The following SLC10A7 variants were observed in gnomAD, a reference collection of about 807,000 sequenced individuals.
SLC10A7 encodes sodium/bile acid cotransporter 7.
SLC10A7 carries 29 observed loss-of-function variants against 43.2 expected under a neutral mutation model. The ratio of observed to expected loss-of-function variants is 0.67; its 90% confidence interval spans 0.50 to 0.92. The LOEUF (loss-of-function observed/expected upper bound fraction) is 0.92, where lower values mean the gene tolerates loss of function less well. SLC10A7 is among the 40% of genes least tolerant of loss of function. The pLI, the probability that SLC10A7 is intolerant of heterozygous loss-of-function variation, is 0.00. For synonymous variants in SLC10A7, 152 were observed against 144.8 expected, an observed-to-expected ratio of 1.05 and a Z score of -0.35; for missense variants, 295 against 403.2, an observed-to-expected ratio of 0.73 and a Z score of 2.30.
intron 5 of SLC10A7, among the ~76,000 whole-genome samples, chr4:146,363,852 C>T (rs1362374376): frequency 6.6e-6 from 1 of 151,936 alleles, no homozygotes; most frequent in African/African-American, 2.4e-5. Context: ...ACAACAAAAG[C>T]ACCACTAAGA....
intron 8 of SLC10A7, 76 bp from the exon 9 acceptor site, chr4:146,293,056 T>G (rs976242172): frequency 1.1e-6 from 1 of 888,500 alleles, no homozygotes; most frequent in Non-Finnish European, 1.7e-6. Flanking sequence ...TATACTTGTT[T>G]TATCTAAAAT....
chr4:146,506,775 G>A (rs1020202643), intron 3 of SLC10A7, among the ~76,000 whole-genome samples: 3 of 151,056 alleles, frequency 2.0e-5, no homozygotes, highest in African/African-American at 4.9e-5. Flanking sequence ...TTTTGTTTTT[G>A]TTTTTGCTGG....
chr4:146,338,034 T>G (rs1439179812), intron 5 of SLC10A7, among the ~76,000 whole-genome samples: 1 of 151,980 alleles, frequency 6.6e-6, no homozygotes, highest in Non-Finnish European at 1.5e-5. Flanking sequence ...TTAAAAGATT[T>G]AATGTGTATC....
intron 11 of SLC10A7, among the ~76,000 whole-genome samples, chr4:146,258,208 T>G (rs894896858): frequency 6.6e-6 from 1 of 152,230 alleles, no homozygotes; most frequent in African/African-American, 2.4e-5. Context: ...AGTTTATTTT[T>G]TAATGCCCAA....
chr4:146,336,335 T>TGGC (rs1733893656), intron 5 of SLC10A7, among the ~76,000 whole-genome samples: 1 of 152,074 alleles, frequency 6.6e-6, no homozygotes, highest in Admixed American at 6.6e-5. Flanking sequence ...ATAACTTGGC[T>TGGC]TTGAGTGAAC....
At chr4:146,269,822 T>G (rs537010502) in intron 10 of SLC10A7, among the ~76,000 whole-genome samples, 11 of 152,364 alleles carry the variant, frequency 7.2e-5, no homozygotes, top group Admixed American at 6.5e-4. Context: ...GCTGCATTGA[T>G]AATTTCATCT....
At chr4:146,402,974 T>C (rs77746548) in intron 5 of SLC10A7, among the ~76,000 whole-genome samples, 3,274 of 152,238 alleles carry the variant, frequency 0.022, 104 homozygotes, top group African/African-American at 0.075. Flanking sequence ...TTGCAAAAAT[T>C]TTCTAACTTT....
intron 5 of SLC10A7, among the ~76,000 whole-genome samples, chr4:146,348,447 T>C (rs1182415926): frequency 6.6e-6 from 1 of 152,206 alleles, no homozygotes; most frequent in Non-Finnish European, 1.5e-5. Flanking sequence ...TAGCAGCTGG[T>C]GTGCTGTGTA....
At chr4:146,442,733 CA>C (rs1560911022) in intron 5 of SLC10A7, 49 bp downstream of exon 5, 4 of 1,591,216 alleles carry the variant, frequency 2.5e-6, no homozygotes, top group Non-Finnish European at 3.4e-6. Flanking sequence ...TTCATATACA[CA>C]ATATCACAGC....
intron 4 of SLC10A7, among the ~76,000 whole-genome samples, chr4:146,501,423 G>C (rs1469919190): frequency 6.6e-6 from 1 of 152,152 alleles, no homozygotes; most frequent in South Asian, 2.1e-4. Context: ...TACATGGTAA[G>C]GCCATATGAC....
intron 6 of SLC10A7, among the ~76,000 whole-genome samples, chr4:146,307,062 A>G (rs1731627576): frequency 6.6e-6 from 1 of 152,194 alleles, no homozygotes; most frequent in Admixed American, 6.5e-5. Context: ...AGCTACATGA[A>G]GTCAATAGCT....
At chr4:146,275,682 G>C (rs1729160582) in intron 10 of SLC10A7, among the ~76,000 whole-genome samples, 1 of 152,078 alleles carries the variant, frequency 6.6e-6, no homozygotes, top group Non-Finnish European at 1.5e-5. Flanking sequence ...TATTCCAGCA[G>C]ACAAGGCCAA....
At chr4:146,373,953 T>C (rs142084729) in intron 5 of SLC10A7, among the ~76,000 whole-genome samples, 1 of 152,242 alleles carries the variant, frequency 6.6e-6, no homozygotes, top group African/African-American at 2.4e-5. Context: ...TCAAGTGGTT[T>C]TAATAAAATA....
At chr4:146,404,476 ATGTGTGTGTGTGTG>A (rs34519773) in intron 5 of SLC10A7, among the ~76,000 whole-genome samples, 21 of 141,466 alleles carry the variant, frequency 1.5e-4, no homozygotes, top group African/African-American at 2.1e-4. Flanking sequence ...CTGCTCATTT[ATGTGTGTGTGTGTG>A]TGTGTGTGTG....
chr4:146,263,382 C>A (rs1728355542), intron 10 of SLC10A7, among the ~76,000 whole-genome samples: 1 of 152,070 alleles, frequency 6.6e-6, no homozygotes, highest in South Asian at 2.1e-4. Flanking sequence ...GGTAGGTGGT[C>A]AAAAGGAGTG....
intron 5 of SLC10A7, among the ~76,000 whole-genome samples, chr4:146,338,820 A>C (rs889112099): frequency 2.0e-5 from 3 of 152,020 alleles, no homozygotes; most frequent in African/African-American, 7.2e-5. Context: ...AAAGCAACAA[A>C]ACAAAACAAA....
rs201972184 is a variant in SLC10A7, at chr4:146,286,805, G to A, written c.774-3540C>T. Among the ~76,000 whole-genome samples, 3 of 151,532 alleles carry A rather than the reference G, an allele frequency of 2.0e-5. No homozygotes were observed. The East Asian group carries it at 5.9e-4, about 30-fold the overall frequency. On this transcript the variant is annotated intron_variant, in intron 9 of 11. Transcript: ENST00000335472. ...AGTGGTGAGGGCTTGTGTTTGCAGT[G>A]GTGAGAAGGACTGTTTGGAGTGATG...
intron 5 of SLC10A7, among the ~76,000 whole-genome samples, chr4:146,407,400 A>G (rs1727798220): frequency 6.6e-6 from 1 of 151,964 alleles, no homozygotes; most frequent in Non-Finnish European, 1.5e-5. Context: ...AACATGTAAC[A>G]TGAGATCTAC....
intron 5 of SLC10A7, among the ~76,000 whole-genome samples, chr4:146,397,584 T>G (rs988341768): frequency 2.0e-5 from 3 of 152,322 alleles, no homozygotes; most frequent in Middle Eastern, 3.4e-3. Flanking sequence ...TTCCTTCATA[T>G]CCTGTTTAAT....
Sources: gnomAD v4.1 joint callset for allele counts (sites outside exome capture counted in the v4.1 genomes callset) on GRCh38, gnomAD v4.1.1 for gene constraint, MANE v1.5 for transcripts, NCBI Gene and HGNC (gene_info 2026-07-23, HGNC 2026-07-21) for gene names.